The following AKR1A1 variants were observed in gnomAD, a reference collection of about 807,000 sequenced individuals.
AKR1A1 encodes aldo-keto reductase family 1 member A1.
A neutral mutation model predicts 39.2 loss-of-function variants in AKR1A1; 26 were observed. The ratio of observed to expected loss-of-function variants is 0.66; its 90% CI spans 0.49 to 0.92. AKR1A1 has a LOEUF of 0.92. AKR1A1 is among the 40% of genes least tolerant of loss of function. The pLI is 0.00. For missense variants in AKR1A1, 378 were observed against 406.5 expected, an observed-to-expected ratio of 0.93 and a Z score of 0.60; for synonymous variants, 141 against 155.5, an observed-to-expected ratio of 0.91 and a Z score of 0.69.
intron 2 of AKR1A1, among the ~76,000 whole-genome samples, chr1:45,562,083 CT>C (rs1334179527): frequency 6.6e-6 from 1 of 152,100 alleles, no homozygotes; most frequent in Non-Finnish European, 1.5e-5. Context: ...GGAAGGACAT[CT>C]TTCTCTAACT....
chr1:45,556,523 G>A (rs1415782829), intron 1 of AKR1A1, among the ~76,000 whole-genome samples: 3 of 151,956 alleles, frequency 2.0e-5, no homozygotes, highest in Non-Finnish European at 4.4e-5. Context: ...GGAGGTTGCA[G>A]TGAGCCAAGA....
chr1:45,561,702 C>T (rs1452442806), intron 1 of AKR1A1, 87 bp from the exon 2 acceptor site: 18 of 1,349,824 alleles, frequency 1.3e-5, no homozygotes, highest in Middle Eastern at 1.8e-4. Flanking sequence ...CTGCACTTGG[C>T]GCTTTGCAGT....
intron 1 of AKR1A1, among the ~76,000 whole-genome samples, chr1:45,556,562 C>T (rs1261510739): frequency 6.8e-6 from 1 of 147,970 alleles, no homozygotes; most frequent in African/African-American, 2.5e-5. Context: ...GCCTGGGTGA[C>T]GGAGCAAGAC....
chr1:45,558,195 C>T (rs942460437), intron 1 of AKR1A1, among the ~76,000 whole-genome samples: 7 of 151,114 alleles, frequency 4.6e-5, no homozygotes, highest in African/African-American at 1.5e-4. Context: ...GGGTTACAGA[C>T]GTTAGCCACT....
At chr1:45,567,319 G>A (rs1570914870) in intron 4 of AKR1A1, 1 of 327,006 alleles carries the variant, frequency 3.1e-6, no homozygotes, top group East Asian at 5.8e-5. Flanking sequence ...TGAGCACCTG[G>A]GGTTACAGTA....
intron 1 of AKR1A1, among the ~76,000 whole-genome samples, chr1:45,555,576 A>G (rs1303389693): frequency 6.6e-6 from 1 of 152,192 alleles, no homozygotes; most frequent in African/African-American, 2.4e-5. Context: ...TGATTAAAAT[A>G]TACAGGAAGA....
intron 1 of AKR1A1, among the ~76,000 whole-genome samples, chr1:45,553,609 T>G (rs1212681680): frequency 6.6e-6 from 1 of 152,188 alleles, no homozygotes; most frequent in Non-Finnish European, 1.5e-5. Context: ...CTGTAGCTAT[T>G]AAGTATTAAC....
intron 1 of AKR1A1, among the ~76,000 whole-genome samples, 187 bp downstream of exon 1, chr1:45,551,342 A>C (rs1285350807): frequency 6.6e-6 from 1 of 152,296 alleles, no homozygotes; most frequent in African/African-American, 2.4e-5. Flanking sequence ...GTTTCTCTGA[A>C]CCTGTTTCCT....
chr1:45,567,849 C>A, intron 4 of AKR1A1, 133 bp from the exon 5 acceptor site: 3 of 803,980 alleles, frequency 3.7e-6, no homozygotes, highest in Non-Finnish European at 5.6e-6. Context: ...AAAGAAAAAG[C>A]ATGGCTTTTT....
At chr1:45,554,823 T>C (rs1289302278) in intron 1 of AKR1A1, among the ~76,000 whole-genome samples, 1 of 152,118 alleles carries the variant, frequency 6.6e-6, no homozygotes, top group Non-Finnish European at 1.5e-5. Context: ...CCTGAGTAGC[T>C]AGGACCATAG....
At chr1:45,552,235 G>A (rs1490986294) in intron 1 of AKR1A1, among the ~76,000 whole-genome samples, 2 of 151,818 alleles carry the variant, frequency 1.3e-5, no homozygotes, top group African/African-American at 4.8e-5. Context: ...ATGCTGGAGT[G>A]TAGTGGTGGA....
At chr1:45,565,502 C>T (rs192746028) in intron 2 of AKR1A1, among the ~76,000 whole-genome samples, 3 of 151,388 alleles carry the variant, frequency 2.0e-5, no homozygotes, top group East Asian at 2.0e-4. Context: ...GACGGAGTCT[C>T]ACTCTGTCTC....
At chr1:45,556,668 G>A (rs1244941790) in intron 1 of AKR1A1, among the ~76,000 whole-genome samples, 2 of 151,970 alleles carry the variant, frequency 1.3e-5, no homozygotes, top group African/African-American at 4.8e-5. Context: ...CACAAGGTCA[G>A]GAGTTCGAGA....
At chr1:45,558,394 A>G (rs1288382244) in intron 1 of AKR1A1, among the ~76,000 whole-genome samples, 1 of 133,498 alleles carries the variant, frequency 7.5e-6, no homozygotes, top group Admixed American at 7.7e-5. Context: ...ACGCCCAGCT[A>G]ATTTTTTTTT....
intron 1 of AKR1A1, among the ~76,000 whole-genome samples, chr1:45,557,290 C>T (rs773150928): frequency 6.6e-6 from 1 of 151,888 alleles, no homozygotes; most frequent in Non-Finnish European, 1.5e-5. Flanking sequence ...AATCTGTTCA[C>T]GCACAGCTAG....
chr1:45,560,593 G>C (rs1644264616), intron 1 of AKR1A1, among the ~76,000 whole-genome samples: 1 of 152,190 alleles, frequency 6.6e-6, no homozygotes, highest in Admixed American at 6.6e-5. Flanking sequence ...CTAGGAGACA[G>C]AACCAGACCC....
intron 1 of AKR1A1, among the ~76,000 whole-genome samples, chr1:45,552,186 C>T (rs951194203): frequency 6.6e-6 from 1 of 151,568 alleles, no homozygotes; most frequent in African/African-American, 2.4e-5. Context: ...TATTTATTTT[C>T]TTTTTAGAGA....
At chr1:45,555,325 T>C (rs1289084346) in intron 1 of AKR1A1, among the ~76,000 whole-genome samples, 4 of 152,080 alleles carry the variant, frequency 2.6e-5, no homozygotes, top group Admixed American at 6.6e-5. Flanking sequence ...CTGTCTCTAC[T>C]AAAAATACAA....
intron 1 of AKR1A1, among the ~76,000 whole-genome samples, chr1:45,556,854 G>A (rs906439790): frequency 6.6e-6 from 1 of 151,730 alleles, no homozygotes; most frequent in Non-Finnish European, 1.5e-5. Flanking sequence ...TCCAGCCTGG[G>A]CAAGAAGAGT....
Sources: gnomAD v4.1 joint callset for allele counts (sites outside exome capture counted in the v4.1 genomes callset) on GRCh38, gnomAD v4.1.1 for gene constraint, MANE v1.5 for transcripts, NCBI Gene and HGNC (gene_info 2026-07-23, HGNC 2026-07-21) for gene names.